Variants in MYO5B observed in about 807,000 individuals in gnomAD.
MYO5B encodes the protein myosin VB.
In MYO5B, 143 loss-of-function variants were observed where a neutral mutation model predicts 229.3. The observed-to-expected ratio is 0.62, with a 90% CI of 0.54 to 0.72. MYO5B has a LOEUF of 0.72. MYO5B is among the 30% of genes least tolerant of loss of function. The probability of loss-of-function intolerance (pLI) is 0.00; values close to 1 mark genes in which losing one functional copy is unlikely to be tolerated. For missense variants in MYO5B, 2,321 were observed against 2,331.0 expected, an observed-to-expected ratio of 1.00 and a Z score of 0.09; for synonymous variants, 918 against 885.2, an observed-to-expected ratio of 1.04 and a Z score of -0.66.
chr18:50,185,777 A>C (rs915323172), intron 1 of MYO5B, among the ~76,000 whole-genome samples: 18 of 152,366 alleles, frequency 1.2e-4, no homozygotes, highest in African/African-American at 4.1e-4. Context: ...AATTTAAAAA[A>C]TGTATATTTT....
intron 1 of MYO5B, among the ~76,000 whole-genome samples, chr18:50,153,068 T>C (rs2032624980): frequency 6.6e-6 from 1 of 152,176 alleles, no homozygotes; most frequent in South Asian, 2.1e-4. Context: ...GACATAGCTA[T>C]ATAAAGCAGG....
chr18:50,091,347 T>C (rs911570194), intron 1 of MYO5B, among the ~76,000 whole-genome samples: 2 of 152,234 alleles, frequency 1.3e-5, no homozygotes, highest in Admixed American at 6.5e-5. Flanking sequence ...TCTTTGGCAC[T>C]GTATCTGCAA....
chr18:49,949,299 C>A (rs2025407579), intron 14 of MYO5B, among the ~76,000 whole-genome samples: 1 of 151,554 alleles, frequency 6.6e-6, no homozygotes, highest in Admixed American at 6.6e-5. Flanking sequence ...ATAAATTATT[C>A]CTTTTCACAA....
At chr18:49,878,895 G>C in intron 24 of MYO5B, 50 bp downstream of exon 24, 1 of 1,609,478 alleles carries the variant, frequency 6.2e-7, no homozygotes, top group Non-Finnish European at 8.5e-7. Flanking sequence ...TCAGAAGCTG[G>C]ACAGGAGCCA....
At chr18:49,978,816 G>A (rs1489382305) in intron 9 of MYO5B, among the ~76,000 whole-genome samples, 1 of 152,028 alleles carries the variant, frequency 6.6e-6, no homozygotes, top group Non-Finnish European at 1.5e-5. Flanking sequence ...GGCCTGGGGA[G>A]GAGCAGGGTG....
At chr18:49,904,552 T>C (rs1339731535) in intron 20 of MYO5B, 120 bp downstream of exon 20, 4 of 1,213,202 alleles carry the variant, frequency 3.3e-6, no homozygotes, top group Admixed American at 1.7e-5. Context: ...AGAGCAGAGA[T>C]GTGAAAGCAT....
Position 49,904,727 on chromosome 18 carries a change from G to A in MYO5B, c.2516C>T (p.Ala839Val), listed in dbSNP as rs1325778657. The A allele has an allele frequency of 6.2e-7, 1 of 1,614,086 alleles. No individual in the cohort carries two copies. Among genetic ancestry groups the A allele is most frequent in the South Asian group, 1.1e-5 (1 of 91,086 alleles). ...CCGGGTGAAGGCCTGGATAACAACGGCAGCTCTGCGGACCCTCTGGTAGGC... is the reference window on the plus strand; with the variant it reads ...CCGGGTGAAGGCCTGGATAACAACGACAGCTCTGCGGACCCTCTGGTAGGC... ...RQAYQRVRRA[A>V]VVIQAFTRAM... Residue 839 changes from alanine (A) to valine (V), a missense_variant, in exon 20 of 40, where the codon GCC becomes GTC. Ala to Val is a moderately conservative substitution (Grantham distance 64). Coordinates refer to ENST00000285039, the MANE Select transcript of MYO5B (RefSeq NM_001080467.3).
At chr18:49,976,158 AT>A (rs1158679186) in intron 9 of MYO5B, among the ~76,000 whole-genome samples, 2 of 152,234 alleles carry the variant, frequency 1.3e-5, no homozygotes, top group Non-Finnish European at 1.5e-5. Flanking sequence ...CCTTCAGAAC[AT>A]GATGTGCCAT....
chr18:49,856,028 A>G (rs766561279), intron 30 of MYO5B, among the ~76,000 whole-genome samples: 36 of 152,224 alleles, frequency 2.4e-4, no homozygotes, highest in Non-Finnish European at 4.7e-4. Context: ...CACAGCTCTT[A>G]AAAGCCACCT....
At chr18:49,996,695 G>A (rs529391175) in intron 5 of MYO5B, among the ~76,000 whole-genome samples, 6 of 152,278 alleles carry the variant, frequency 3.9e-5, no homozygotes, top group South Asian at 2.1e-4. Context: ...ATGAAAACAC[G>A]GATAAGGAGC....
At chr18:49,984,479 T>C (rs2025849732) in intron 8 of MYO5B, among the ~76,000 whole-genome samples, 2 of 152,234 alleles carry the variant, frequency 1.3e-5, no homozygotes, top group Non-Finnish European at 2.9e-5. Context: ...GCACAGTGCC[T>C]GGGAGAGGGA....
intron 1 of MYO5B, among the ~76,000 whole-genome samples, chr18:50,117,371 G>A (rs17716461): frequency 0.081 from 12,343 of 152,080 alleles, 597 homozygotes; most frequent in Non-Finnish European, 0.11. Flanking sequence ...CCTTTGTAAA[G>A]CCTGTCTAAG....
At chr18:50,073,098 G>A (rs2030996793) in intron 1 of MYO5B, among the ~76,000 whole-genome samples, 1 of 152,192 alleles carries the variant, frequency 6.6e-6, no homozygotes, top group African/African-American at 2.4e-5. Flanking sequence ...TGACTGAGTA[G>A]TTTAGCGATC....
chr18:50,004,049 T>C (rs1004428128), intron 4 of MYO5B, among the ~76,000 whole-genome samples: 11 of 152,250 alleles, frequency 7.2e-5, no homozygotes, highest in African/African-American at 2.6e-4. Flanking sequence ...CTTGTCACTG[T>C]TCACCTACGG....
chr18:50,136,414 G>A (rs1292727647), intron 1 of MYO5B, among the ~76,000 whole-genome samples: 1 of 150,760 alleles, frequency 6.6e-6, no homozygotes, highest in East Asian at 1.9e-4. Context: ...AGGAAGTCGG[G>A]ATGGTAATAT....
At chr18:50,031,027 A>T (rs1408867165) in intron 4 of MYO5B, among the ~76,000 whole-genome samples, 1 of 152,092 alleles carries the variant, frequency 6.6e-6, no homozygotes, top group Non-Finnish European at 1.5e-5. Context: ...AAGGACAAAG[A>T]TCTATCCCTT....
chr18:49,935,720 C>T (rs1229797508), intron 16 of MYO5B, among the ~76,000 whole-genome samples: 1 of 152,168 alleles, frequency 6.6e-6, no homozygotes, highest in African/African-American at 2.4e-5. Flanking sequence ...AGAACCGGAA[C>T]AAAGTTTCAA....
chr18:49,930,126 C>T (rs1413514056), intron 16 of MYO5B, among the ~76,000 whole-genome samples: 1 of 152,190 alleles, frequency 6.6e-6, no homozygotes, highest in Non-Finnish European at 1.5e-5. Flanking sequence ...CCTTGGGCCT[C>T]AGTACCCTCA....
At chr18:49,950,207 T>C (rs1039520782) in intron 14 of MYO5B, among the ~76,000 whole-genome samples, 5 of 152,156 alleles carry the variant, frequency 3.3e-5, no homozygotes, top group Non-Finnish European at 5.9e-5. Flanking sequence ...CATCACCACA[T>C]CTCAGGGTTG....
Sources: allele counts gnomAD v4.1 joint callset (sites outside exome capture counted in the v4.1 genomes callset), GRCh38; gene constraint gnomAD v4.1.1; transcripts MANE v1.5; gene names NCBI Gene and HGNC (gene_info 2026-07-23, HGNC 2026-07-21).